Variants in RALGAPA1 observed in about 807,000 individuals in gnomAD.
RALGAPA1 encodes ral GTPase-activating protein subunit alpha-1.
RALGAPA1 carries 52 observed loss-of-function variants against 269.6 expected under a neutral mutation model. That is an observed-to-expected ratio of 0.19 (90% CI 0.15 to 0.24). The LOEUF (loss-of-function observed/expected upper bound fraction) is 0.24. RALGAPA1 is among the 10% of genes least tolerant of loss of function. The pLI is 1.00. For synonymous variants in RALGAPA1, 817 were observed against 1,008.3 expected (o/e 0.81, Z 3.60); for missense variants, 1,917 against 3,013.9 (o/e 0.64, Z 8.52).
chr14:35,659,013 T>C, intron 28 of RALGAPA1, 125 bp downstream of exon 28: 1 of 499,636 alleles, frequency 2.0e-6, no homozygotes, highest in Non-Finnish European at 3.4e-6. Flanking sequence ...TTCAAGTAAC[T>C]TAAAATTGTA....
chr14:35,749,470 A>G (rs187634844), intron 9 of RALGAPA1, among the ~76,000 whole-genome samples: 11 of 152,292 alleles, frequency 7.2e-5, no homozygotes, highest in African/African-American at 1.4e-4. Context: ...TATATGGTAA[A>G]AGTAGCACTA....
At chr14:35,808,215 A>G (rs1326414339) in intron 1 of RALGAPA1, among the ~76,000 whole-genome samples, 1 of 152,210 alleles carries the variant, frequency 6.6e-6, no homozygotes, top group Non-Finnish European at 1.5e-5. Flanking sequence ...ACTAGTGATG[A>G]ACAAGGTGCA....
intron 4 of RALGAPA1, chr14:35,765,775 C>T (rs1384235269): frequency 6.8e-6 from 3 of 443,832 alleles, no homozygotes; most frequent in Non-Finnish European, 1.2e-5. Context: ...GGATTACAGG[C>T]GTGAGCCACT....
intron 25 of RALGAPA1, among the ~76,000 whole-genome samples, chr14:35,671,959 T>C (rs1440412649): frequency 6.6e-6 from 1 of 152,176 alleles, no homozygotes; most frequent in Non-Finnish European, 1.5e-5. Context: ...CCTTTAATGA[T>C]AGGTATCAAG....
At chr14:35,557,098 A>ATGTG (rs56835063) in intron 39 of RALGAPA1, among the ~76,000 whole-genome samples, 15,134 of 142,210 alleles carry the variant, frequency 0.11, 897 homozygotes, top group East Asian at 0.25. Flanking sequence ...TCCAATATGT[A>ATGTG]TGTGTGTGTG....
chr14:35,798,283 T>C (rs2076723415), intron 1 of RALGAPA1, among the ~76,000 whole-genome samples: 1 of 151,076 alleles, frequency 6.6e-6, no homozygotes, highest in Non-Finnish European at 1.5e-5. Context: ...TCAAGCAATC[T>C]CATCATCTCA....
At position 35,627,544 on chromosome 14, in the gene RALGAPA1, T is replaced by C. The variant is rs748672182; in HGVS notation, c.6403A>G (p.Met2135Val). ...VSGLSEPTSF[M>V]LSLSHQEKPE... ...TTCTCTTGGTGAGACAATGAAAGCA[T>C]GAAAGATGTAGGTTCTGACAAGCCA... The change falls in exon 34 of 42, where the codon ATG becomes GTG. Residue 2135 changes from methionine to valine, a missense_variant. By Grantham distance (21) the Met-to-Val change is conservative (BLOSUM62 1). Coordinates refer to ENST00000680220, the MANE Select transcript of RALGAPA1 (RefSeq NM_001346249.2). The C allele has an allele frequency of 4.4e-6, 7 of 1,587,126 alleles. No individual in the cohort carries two copies. In the South Asian group the frequency reaches 8.2e-5, roughly 19 times the overall value.
rs534713061 is a variant in RALGAPA1 at position 35,560,297 on chromosome 14, T to C, written c.7496+10320A>G. On this transcript the variant is annotated intron_variant, in intron 39 of 41. Coordinates refer to ENST00000680220, the MANE Select transcript of RALGAPA1 (RefSeq NM_001346249.2). ...GTTTTGACCTACTTCTTGATCTTTA[T>C]CTGCCACTGCTCTTCCCTTTATATC... Among the ~76,000 whole-genome samples the C allele has an allele frequency of 7.9e-5, 12 of 152,336 alleles. No individual in the cohort carries two copies. The East Asian group carries it at 1.7e-3, about 22-fold the overall frequency.
chr14:35,542,819 G>A (rs2054130852), intron 41 of RALGAPA1, among the ~76,000 whole-genome samples: 1 of 152,160 alleles, frequency 6.6e-6, no homozygotes, highest in African/African-American at 2.4e-5. Context: ...TGTGTAATCT[G>A]ATGGGATAAA....
At chr14:35,585,932 C>A (rs144895800) in intron 37 of RALGAPA1, among the ~76,000 whole-genome samples, 1 of 152,150 alleles carries the variant, frequency 6.6e-6, no homozygotes, top group Non-Finnish European at 1.5e-5. Flanking sequence ...CTTGGCAATG[C>A]GGGCTCTTTT....
At chr14:35,643,183 G>T (rs1021322374) in intron 31 of RALGAPA1, among the ~76,000 whole-genome samples, 1 of 152,104 alleles carries the variant, frequency 6.6e-6, no homozygotes, top group Middle Eastern at 3.4e-3. Flanking sequence ...GGCCTTTCGA[G>T]GGGTGGGGGG....
At chr14:35,719,831 A>G (rs1245128802) in intron 16 of RALGAPA1, among the ~76,000 whole-genome samples, 1 of 151,850 alleles carries the variant, frequency 6.6e-6, no homozygotes, top group Non-Finnish European at 1.5e-5. Context: ...GCCCACTGCA[A>G]CCTCTGCCGC....
rs763000575 is a variant in RALGAPA1 at position 35,761,026 on chromosome 14, G to A, written c.370-20C>T. The stretch of plus-strand genomic sequence containing the variant: ...CCTAATCTAAAATAAAATGAAAATA[G>A]ACAGTATTTTTATTTATAATGGAAA... On this transcript the variant is annotated intron_variant, in intron 5 of 41. Transcript: ENST00000680220. 2 of 1,533,270 alleles carry A rather than the reference G, an allele frequency of 1.3e-6. No homozygotes were observed. Among genetic ancestry groups the A allele is most frequent in the Non-Finnish European group, 1.8e-6 (2 of 1,129,608 alleles). The allele number at this position is 1,533,270 out of a possible 1,614,324, so 95.0% of individuals were successfully genotyped here. A position where few individuals can be genotyped will look rare whatever the true frequency, so the allele number is the denominator to read the frequency against.
intron 36 of RALGAPA1, among the ~76,000 whole-genome samples, chr14:35,602,912 A>G (rs1363930188): frequency 2.0e-5 from 3 of 152,114 alleles, no homozygotes; most frequent in African/African-American, 7.2e-5. Flanking sequence ...TTTGGAGTTA[A>G]TTTTTGTATA....
At chr14:35,660,540 A>G (rs1360599757) in intron 27 of RALGAPA1, among the ~76,000 whole-genome samples, 1 of 152,126 alleles carries the variant, frequency 6.6e-6, no homozygotes, top group Non-Finnish European at 1.5e-5. Context: ...CTGTGTCCAC[A>G]GATTACAGAA....
At chr14:35,717,730 G>A (rs1016252174) in intron 16 of RALGAPA1, among the ~76,000 whole-genome samples, 2 of 151,852 alleles carry the variant, frequency 1.3e-5, no homozygotes, top group African/African-American at 4.8e-5. Context: ...GCTAATTTTT[G>A]TATTTTTAGT....
At chr14:35,644,049 T>A (rs1358696475) in intron 31 of RALGAPA1, among the ~76,000 whole-genome samples, 1 of 152,218 alleles carries the variant, frequency 6.6e-6, no homozygotes, top group Admixed American at 6.5e-5. Context: ...ATTGGATTAT[T>A]TTGTAACACA....
intron 17 of RALGAPA1, among the ~76,000 whole-genome samples, chr14:35,698,094 C>T (rs1488479420): frequency 6.6e-6 from 1 of 152,114 alleles, no homozygotes; most frequent in Non-Finnish European, 1.5e-5. Flanking sequence ...GTTTTAGTGA[C>T]TGATGTCTCA....
At chr14:35,644,569 T>A (rs1239597381) in intron 31 of RALGAPA1, among the ~76,000 whole-genome samples, 4 of 152,220 alleles carry the variant, frequency 2.6e-5, no homozygotes, top group African/African-American at 9.6e-5. Flanking sequence ...CAAGCACTCT[T>A]AACTATAAAG....
Sources: allele counts gnomAD v4.1 joint callset (sites outside exome capture counted in the v4.1 genomes callset), GRCh38; gene constraint gnomAD v4.1.1; transcripts MANE v1.5; gene names NCBI Gene and HGNC (gene_info 2026-07-23, HGNC 2026-07-21).